The following PARD3B variants were observed in gnomAD, a reference collection of about 807,000 sequenced individuals.
PARD3B encodes the protein partitioning defective 3 homolog B.
PARD3B carries 103 observed loss-of-function variants against 130.2 expected under a neutral mutation model. The ratio of observed to expected loss-of-function variants is 0.79; its 90% CI spans 0.67 to 0.93. The LOEUF (loss-of-function observed/expected upper bound fraction) is 0.93, where lower values mean the gene tolerates loss of function less well. Ranked by LOEUF, PARD3B falls within the 40% of genes least tolerant of loss-of-function variation. The probability of loss-of-function intolerance (pLI) is 0.00; values close to 1 mark genes in which losing one functional copy is unlikely to be tolerated. For synonymous variants in PARD3B, 583 were observed against 553.2 expected, an observed-to-expected ratio of 1.05 and a Z score of -0.76; for missense variants, 1,609 against 1,499.2, an observed-to-expected ratio of 1.07 and a Z score of -1.21.
In PARD3B at chr2:204,943,937, T is replaced by C. The variant is rs2125808857; in HGVS notation, c.223-21215T>C. Among the ~76,000 whole-genome samples the C allele has an allele frequency of 6.6e-6, 1 of 152,176 alleles. No homozygotes were observed. Among genetic ancestry groups the C allele is most frequent in the South Asian group, 2.1e-4 (1 of 4,820 alleles). On this transcript the variant is annotated intron_variant, in intron 2 of 22. Transcript: ENST00000406610. This position sits in a 1 kb window ranked among gnomAD's most constrained non-coding sequence, Gnocchi z 4.2. ...AAAATAAATGCTAGCAATAAGTTAG[T>C]AAAAGTAGAAAAGGGGACTAAACAT...
At chr2:205,050,411 T>A (rs1699110039) in intron 4 of PARD3B, among the ~76,000 whole-genome samples, 1 of 151,684 alleles carries the variant, frequency 6.6e-6, no homozygotes, top group South Asian at 2.1e-4. Context: ...TGTGTATATA[T>A]GTGTGTTATA....
At chr2:205,511,837 T>C (rs570834380) in intron 21 of PARD3B, among the ~76,000 whole-genome samples, 11 of 152,324 alleles carry the variant, frequency 7.2e-5, no homozygotes, top group Non-Finnish European at 1.5e-4. Flanking sequence ...TCCTGTGGCC[T>C]GGGATGTCCC....
intron 4 of PARD3B, among the ~76,000 whole-genome samples, chr2:205,065,804 A>C (rs1700335644): frequency 2.5e-5 from 1 of 40,390 alleles, no homozygotes; most frequent in Non-Finnish European, 4.7e-5. Context: ...GCAGCACAGA[A>C]GCCCTTGCCA....
intron 2 of PARD3B, among the ~76,000 whole-genome samples, chr2:204,855,966 T>A (rs1026291572): frequency 1.3e-5 from 2 of 152,208 alleles, no homozygotes; most frequent in East Asian, 1.9e-4. Flanking sequence ...AATAGTTAGA[T>A]TGCTTTCATA....
In PARD3B at chr2:204,839,364, C is replaced by T. The variant is rs532178108; in HGVS notation, c.223-125788C>T. ...ACATTTTGTTGAGTAAAAGTATTCT[C>T]TTACTTCTAGTAAGGTAGTTTCAGG... is the stretch of plus-strand genomic sequence containing the variant. On this transcript the variant is annotated intron_variant, in intron 2 of 22. Transcript: ENST00000406610. Among the ~76,000 whole-genome samples the T allele has an allele frequency of 2.6e-5, 4 of 152,286 alleles. No individual in the cohort carries two copies. In the East Asian group the frequency reaches 7.7e-4, roughly 29 times the overall value.
Position 205,591,029 on chromosome 2 carries a change from T to C in PARD3B, c.3261-24427T>C, listed in dbSNP as rs2054368427. On this transcript the variant is annotated intron_variant, in intron 22 of 22. Transcript: ENST00000406610. The surrounding 1 kb of genome is among the most constrained non-coding windows in gnomAD (Gnocchi z 4.2). ...TTGCCCAACTTCCTTTGGGTTTGGC[T>C]GCATCTGTCCCTCACTTTAGAGCTC... Among the ~76,000 whole-genome samples the C allele has an allele frequency of 6.6e-6, 1 of 152,120 alleles. No homozygotes were observed. Among genetic ancestry groups the C allele is most frequent in the Non-Finnish European group, 1.5e-5 (1 of 68,016 alleles).
chr2:205,088,055 TCA>T (rs1701850115), intron 4 of PARD3B, among the ~76,000 whole-genome samples: 1 of 152,228 alleles, frequency 6.6e-6, no homozygotes, highest in African/African-American at 2.4e-5. Context: ...AATGTGATTC[TCA>T]GAGACAGGTA....
chr2:205,286,662 T>C (rs1174189772), intron 16 of PARD3B, among the ~76,000 whole-genome samples: 1 of 152,202 alleles, frequency 6.6e-6, no homozygotes, highest in Non-Finnish European at 1.5e-5. Context: ...CAGAAATAGA[T>C]ACCCTCTTCC....
chr2:204,863,149 C>G (rs2045278248), intron 2 of PARD3B, among the ~76,000 whole-genome samples: 1 of 152,216 alleles, frequency 6.6e-6, no homozygotes, highest in Admixed American at 6.5e-5. Context: ...TCTCCTGTCT[C>G]TATCAATACC....
intron 12 of PARD3B, among the ~76,000 whole-genome samples, chr2:205,172,639 G>T (rs939045787): frequency 2.0e-5 from 3 of 152,180 alleles, no homozygotes; most frequent in African/African-American, 7.2e-5. Flanking sequence ...CTCTGAACTT[G>T]TTCATAAACA....
intron 15 of PARD3B, among the ~76,000 whole-genome samples, chr2:205,228,234 T>G (rs1057440943): frequency 6.6e-6 from 1 of 152,226 alleles, no homozygotes; most frequent in East Asian, 1.9e-4. Context: ...TGTTCATCAA[T>G]GTCCTTTTCT....
rs367834201 is a variant in PARD3B at position 204,976,567 on chromosome 2, GAA to G, written c.394+11249_394+11250del. 2.6e-4 allele frequency among the ~76,000 whole-genome samples: 39 copies of G among 147,778 alleles called. No individual in the cohort carries two copies. In the East Asian group the frequency reaches 5.9e-3, roughly 22 times the overall value. On this transcript the variant is annotated intron_variant, in intron 3 of 22. Transcript: ENST00000406610. Reference sequence around the variant, plus strand: ...TATATTTATTATGGATCATTTGGAGGAAAAAATAAAAAAACTCCATGTATTTA... The same window carrying G: ...TATATTTATTATGGATCATTTGGAGGAAAATAAAAAAACTCCATGTATTTA...
chr2:205,276,334 T>C lies in PARD3B; in HGVS notation c.2186-24196T>C, dbSNP rs573869880. Among the ~76,000 whole-genome samples the C allele has an allele frequency of 7.2e-5, 11 of 152,288 alleles. No individual in the cohort carries two copies. The South Asian group carries it at 2.3e-3, about 32-fold the overall frequency. On this transcript the variant is annotated intron_variant, in intron 16 of 22. Transcript: ENST00000406610. The surrounding 1 kb of genome is among the most constrained non-coding windows in gnomAD (Gnocchi z 5.0). ...AGAGAAAATATGTCTTCTGAAAAGA[T>C]CACGAAATCTCAAAGACCTCCAGTT...
intron 1 of PARD3B, among the ~76,000 whole-genome samples, chr2:204,599,677 G>T (rs1020550000): frequency 6.6e-6 from 1 of 151,776 alleles, no homozygotes; most frequent in African/African-American, 2.4e-5. Context: ...TTGATACACT[G>T]ATTTCCTTTT....
intron 3 of PARD3B, among the ~76,000 whole-genome samples, chr2:204,977,267 G>A (rs185366384): frequency 9.9e-5 from 15 of 152,038 alleles, no homozygotes; most frequent in African/African-American, 3.1e-4. Context: ...CCCTTAACTC[G>A]GCATATGGTT....
chr2:205,156,389 G>T (rs962431202), intron 10 of PARD3B, among the ~76,000 whole-genome samples: 1 of 151,198 alleles, frequency 6.6e-6, no homozygotes, highest in Admixed American at 6.6e-5. Flanking sequence ...TTGTGCACAT[G>T]TACCCTAAAA....
chr2:205,332,667 A>G (rs567085469), intron 18 of PARD3B, among the ~76,000 whole-genome samples: 1 of 152,326 alleles, frequency 6.6e-6, no homozygotes, highest in South Asian at 2.1e-4. Context: ...AGAGCATTCA[A>G]GACGGCTTCC....
At chr2:204,736,003 T>C (rs2039731553) in intron 2 of PARD3B, among the ~76,000 whole-genome samples, 1 of 152,144 alleles carries the variant, frequency 6.6e-6, no homozygotes, top group African/African-American at 2.4e-5. Context: ...GAAAGATAGC[T>C]CTGAAGAGTA....
chr2:205,125,884 G>A lies in PARD3B; in HGVS notation c.1434+147G>A. ...ACACTCAGGGTATTTTACCCCATTT[G>A]GGGTATCGCATTTTTAAAACATTGA... is the stretch of plus-strand genomic sequence containing the variant. On this transcript the variant is annotated intron_variant, in intron 10 of 22. Coordinates refer to ENST00000406610, the MANE Select transcript of PARD3B (RefSeq NM_001302769.2). The surrounding 1 kb of genome is among the most constrained non-coding windows in gnomAD (Gnocchi z 4.0). 8.9e-7 allele frequency: 1 copy of A among 1,125,840 alleles called. No individual in the cohort carries two copies. The highest frequency in any genetic ancestry group is 1.6e-5 in the African/African-American group (1 of 64,138). 69.7% of individuals were successfully genotyped at this position (1,125,840 alleles called of 1,614,324 possible). A position where few individuals can be genotyped will look rare whatever the true frequency, so the allele number is the denominator to read the frequency against.
Sources: gnomAD v4.1 joint callset for allele counts (sites outside exome capture counted in the v4.1 genomes callset) on GRCh38, gnomAD v4.1.1 for gene constraint, Gnocchi (gnomAD v3.1) non-coding constraint, MANE v1.5 for transcripts, NCBI Gene and HGNC (gene_info 2026-07-23, HGNC 2026-07-21) for gene names.